Variants in STRBP observed in about 807,000 individuals in gnomAD.
The protein encoded by STRBP is spermatid perinuclear RNA binding protein, also known as spermatid perinuclear RNA-binding protein.
STRBP carries 13 observed loss-of-function variants against 80.1 expected under a neutral mutation model. The observed-to-expected ratio is 0.16, with a 90% CI of 0.11 to 0.26. The LOEUF (loss-of-function observed/expected upper bound fraction) is 0.26, where lower values mean the gene tolerates loss of function less well. Ranked by LOEUF, STRBP falls within the 10% of genes least tolerant of loss-of-function variation. The probability of loss-of-function intolerance (pLI) is 1.00; values close to 1 mark genes in which losing one functional copy is unlikely to be tolerated. For synonymous variants in STRBP, 284 were observed against 291.2 expected, an observed-to-expected ratio of 0.98 and a Z score of 0.25; for missense variants, 485 against 815.2, an observed-to-expected ratio of 0.59 and a Z score of 4.93.
At chr9:123,207,551 T>C (rs1359574222) in intron 2 of STRBP, among the ~76,000 whole-genome samples, 2 of 151,938 alleles carry the variant, frequency 1.3e-5, no homozygotes, top group Non-Finnish European at 2.9e-5. Context: ...TGGTTACCTT[T>C]GGGAAAAGTA....
intron 13 of STRBP, among the ~76,000 whole-genome samples, chr9:123,144,501 CA>C (rs1338140352): frequency 6.6e-6 from 1 of 152,100 alleles, no homozygotes; most frequent in Non-Finnish European, 1.5e-5. Context: ...TTTTGCCACC[CA>C]GTGAATTTGC....
At chr9:123,214,952 C>G (rs2039845041) in intron 2 of STRBP, among the ~76,000 whole-genome samples, 2 of 152,112 alleles carry the variant, frequency 1.3e-5, no homozygotes, top group Admixed American at 6.5e-5. Flanking sequence ...ATTTTTGCTC[C>G]TCTTGTTAAT....
At chr9:123,254,585 G>A (rs986812702) in intron 1 of STRBP, among the ~76,000 whole-genome samples, 1 of 152,002 alleles carries the variant, frequency 6.6e-6, no homozygotes, top group Non-Finnish European at 1.5e-5. Context: ...AGGACTAAAA[G>A]GATCTCGCAG....
intron 17 of STRBP, among the ~76,000 whole-genome samples, chr9:123,131,766 C>T (rs2036148681): frequency 6.6e-6 from 1 of 152,142 alleles, no homozygotes; most frequent in Admixed American, 6.5e-5. Flanking sequence ...TGCTGTGTGC[C>T]AAAGCAGGCA....
At chr9:123,157,693 A>T (rs2037347573) in intron 11 of STRBP, among the ~76,000 whole-genome samples, 1 of 152,062 alleles carries the variant, frequency 6.6e-6, no homozygotes, top group Non-Finnish European at 1.5e-5. Context: ...GTGCAGAGTG[A>T]AGTTGGGGAA....
downstream of STRBP, among the ~76,000 whole-genome samples, chr9:123,119,007 G>A (rs1588435359): frequency 1.3e-5 from 2 of 152,308 alleles, 1 homozygote; most frequent in Middle Eastern, 6.8e-3. Context: ...AAAGAAAGAC[G>A]AATAGATGGG....
rs775031065 is a variant in STRBP at position 123,115,157 on chromosome 9, C to T, written c.*84+772G>A. On this transcript the variant is annotated intron_variant and NMD_transcript_variant, in intron 3 of 3. Coordinates refer to the STRBP transcript ENST00000471564. This position sits in a 1 kb window ranked among gnomAD's most constrained non-coding sequence, Gnocchi z 5.0. ...TGCCACTTGACTCTGCTCATCCTCT[C>T]GGGTCCCACAGCAAGGCCCTTCACA... The T allele has an allele frequency of 2.2e-5, 10 of 464,560 alleles. No homozygotes were observed. The highest frequency in any genetic ancestry group is 1.1e-4 in the South Asian group (7 of 63,800). 28.8% of individuals were successfully genotyped at this position (464,560 alleles called of 1,614,324 possible).
chr9:123,253,204 A>G (rs1440672949), intron 1 of STRBP, among the ~76,000 whole-genome samples: 2 of 152,242 alleles, frequency 1.3e-5, no homozygotes, highest in African/African-American at 4.8e-5. Context: ...AGAAGAAAAA[A>G]AGAAACAGAT....
At position 123,240,934 on chromosome 9, in the gene STRBP, C is replaced by T. The variant is rs1043405589; in HGVS notation, c.-301-3968G>A. On this transcript the variant is annotated intron_variant, in intron 1 of 18. Transcript: ENST00000348403. ...GTGGCTCACACCTGTAATCCCAGCA[C>T]TTTGGGAGGCTGAGGCGAGTGGATC... is the stretch of plus-strand genomic sequence containing the variant. 2.6e-5 allele frequency among the ~76,000 whole-genome samples: 4 copies of T among 152,124 alleles called. No homozygotes were observed. In the East Asian group the frequency reaches 7.7e-4, roughly 29 times the overall value.
At chr9:123,262,060 A>G (rs1330064901) in intron 1 of STRBP, among the ~76,000 whole-genome samples, 3 of 152,194 alleles carry the variant, frequency 2.0e-5, no homozygotes, top group African/African-American at 7.2e-5. Context: ...ACTTATTTCC[A>G]TTTAGGCTGA....
At chr9:123,224,413 T>C (rs2040170130) in intron 2 of STRBP, among the ~76,000 whole-genome samples, 1 of 152,230 alleles carries the variant, frequency 6.6e-6, no homozygotes, top group South Asian at 2.1e-4. Context: ...CCTGACTTAA[T>C]TCAATCCTAT....
chr9:123,262,775 G>A (rs1047629418), intron 1 of STRBP, among the ~76,000 whole-genome samples: 1 of 152,196 alleles, frequency 6.6e-6, no homozygotes, highest in African/African-American at 2.4e-5. Flanking sequence ...CAAATAGGAT[G>A]CACTTAATGG....
intron 13 of STRBP, among the ~76,000 whole-genome samples, chr9:123,140,253 T>TCA (rs2036533342): frequency 6.6e-6 from 1 of 152,226 alleles, no homozygotes; most frequent in Non-Finnish European, 1.5e-5. Flanking sequence ...AAATAACATC[T>TCA]AAAACTTTCT....
At chr9:123,135,921 C>G (rs1449167181) in intron 16 of STRBP, 120 bp downstream of exon 16, 1 of 1,346,758 alleles carries the variant, frequency 7.4e-7, no homozygotes, top group African/African-American at 1.5e-5. Flanking sequence ...GCAAAGGTCA[C>G]CAAGTCCAAG....
intron 13 of STRBP, among the ~76,000 whole-genome samples, chr9:123,142,400 T>C (rs2036626101): frequency 6.6e-6 from 1 of 152,168 alleles, no homozygotes; most frequent in Non-Finnish European, 1.5e-5. Context: ...CACTATGCTT[T>C]CTGTACAGTC....
intron 2 of STRBP, among the ~76,000 whole-genome samples, chr9:123,208,485 C>A (rs2039600074): frequency 6.6e-6 from 1 of 152,074 alleles, no homozygotes; most frequent in African/African-American, 2.4e-5. Flanking sequence ...CAGGAGTCAG[C>A]AAACTTTTTC....
intron 8 of STRBP, among the ~76,000 whole-genome samples, chr9:123,159,777 T>G (rs190178000): frequency 2.1e-4 from 32 of 152,374 alleles, no homozygotes; most frequent in Non-Finnish European, 3.2e-4. Flanking sequence ...TTAAATTGTT[T>G]TATAATGTTC....
chr9:123,231,911 C>T (rs1344651329), intron 2 of STRBP, among the ~76,000 whole-genome samples: 1 of 152,182 alleles, frequency 6.6e-6, no homozygotes, highest in Non-Finnish European at 1.5e-5. Context: ...TACCAATCTC[C>T]TTACAGTTAC....
intron 2 of STRBP, among the ~76,000 whole-genome samples, chr9:123,230,340 T>C (rs1588134899): frequency 6.6e-6 from 1 of 152,220 alleles, no homozygotes; most frequent in Non-Finnish European, 1.5e-5. Context: ...TAACTTGACA[T>C]TGAATTGTCA....
Sources: gnomAD v4.1 joint callset for allele counts (sites outside exome capture counted in the v4.1 genomes callset) on GRCh38, gnomAD v4.1.1 for gene constraint, Gnocchi (gnomAD v3.1) non-coding constraint, MANE v1.5 for transcripts, NCBI Gene and HGNC (gene_info 2026-07-23, HGNC 2026-07-21) for gene names.